Variants in AGBL4 observed in about 807,000 individuals in gnomAD.
AGBL4 encodes the protein cytosolic carboxypeptidase 6.
AGBL4 carries 58 observed loss-of-function variants against 66.4 expected under a neutral mutation model. The observed-to-expected ratio is 0.87, with a 90% CI of 0.71 to 1.09. AGBL4 has a LOEUF of 1.09. Among genes scored for constraint, AGBL4 ranks in the 50% least tolerant of loss-of-function variants. The pLI is 0.00. For missense variants in AGBL4, 579 were observed against 631.0 expected (o/e 0.92, Z 0.88); for synonymous variants, 234 against 222.9 (o/e 1.05, Z -0.44).
chr1:49,207,456 T>C (rs200026320), intron 4 of AGBL4, among the ~76,000 whole-genome samples: 2 of 14,542 alleles, frequency 1.4e-4, no homozygotes, highest in African/African-American at 4.5e-4. Flanking sequence ...CTTTCTTTCT[T>C]TTTCTTTCTT....
At chr1:49,705,805 G>T (rs1382804927) in intron 2 of AGBL4, among the ~76,000 whole-genome samples, 4 of 151,954 alleles carry the variant, frequency 2.6e-5, no homozygotes, top group African/African-American at 9.7e-5. Context: ...ATATAATCAT[G>T]TGGTTTTTGT....
chr1:48,523,437 T>C, the AGBL4 span, among the ~76,000 whole-genome samples: 1 of 152,288 alleles, frequency 6.6e-6, no homozygotes, highest in Non-Finnish European at 1.5e-5. Flanking sequence ...ACAGCAATAA[T>C]GCTTAATTCC....
chr1:49,320,966 C>T (rs146225637), intron 3 of AGBL4, among the ~76,000 whole-genome samples: 8 of 152,204 alleles, frequency 5.3e-5, no homozygotes, highest in Middle Eastern at 3.4e-3. Flanking sequence ...CTAGTGAAAA[C>T]TCACTCACTA....
chr1:48,657,574 A>G (rs923488405), intron 7 of AGBL4, among the ~76,000 whole-genome samples: 1 of 152,234 alleles, frequency 6.6e-6, no homozygotes, highest in African/African-American at 2.4e-5. Flanking sequence ...GCTTTCAGTC[A>G]GGAACCAGGG....
At chr1:48,945,627 C>A (rs375005989) in intron 5 of AGBL4, among the ~76,000 whole-genome samples, 1 of 152,136 alleles carries the variant, frequency 6.6e-6, no homozygotes, top group South Asian at 2.1e-4. Flanking sequence ...GTTCTGGTAC[C>A]TGGTAAATAC....
chr1:48,977,745 A>C (rs1659451350), intron 5 of AGBL4, among the ~76,000 whole-genome samples: 1 of 152,166 alleles, frequency 6.6e-6, no homozygotes, highest in Non-Finnish European at 1.5e-5. Context: ...ACTGATCCCA[A>C]TTACTAACGA....
chr1:49,716,133 G>A (rs1284940453), intron 2 of AGBL4, among the ~76,000 whole-genome samples: 2 of 152,080 alleles, frequency 1.3e-5, no homozygotes, highest in Non-Finnish European at 2.9e-5. Context: ...TTTGTATAAG[G>A]TGTAAGGAAG....
At chr1:48,659,070 G>C (rs1646066063) in intron 7 of AGBL4, among the ~76,000 whole-genome samples, 2 of 152,132 alleles carry the variant, frequency 1.3e-5, no homozygotes, top group African/African-American at 4.8e-5. Context: ...GACATCCAGT[G>C]AATCCCTGGA....
At chr1:49,943,721 G>GAA (rs34779897) in intron 1 of AGBL4, among the ~76,000 whole-genome samples, 3 of 137,672 alleles carry the variant, frequency 2.2e-5, no homozygotes, top group African/African-American at 2.7e-5. Flanking sequence ...AGGTCACAGG[G>GAA]AAAAAAAAAA....
intron 2 of AGBL4, among the ~76,000 whole-genome samples, chr1:49,743,738 T>C (rs1014121489): frequency 2.0e-5 from 3 of 151,694 alleles, no homozygotes; most frequent in Admixed American, 6.6e-5. Flanking sequence ...AAATTATGAG[T>C]TCACGTCCTT....
chr1:49,556,516 TTA>T (rs35314433), intron 3 of AGBL4, among the ~76,000 whole-genome samples: 98,831 of 146,558 alleles, frequency 0.67, 33,957 homozygotes, highest in African/African-American at 0.76. Flanking sequence ...ATAAAAAAAA[TTA>T]TATATATATA....
chr1:49,161,407 A>G lies in AGBL4; in HGVS notation c.377+84363T>C, dbSNP rs561134151. Among the ~76,000 whole-genome samples the G allele has an allele frequency of 2.6e-5, 4 of 152,242 alleles. No homozygotes were observed. The East Asian group carries it at 7.8e-4, about 30-fold the overall frequency. On this transcript the variant is annotated intron_variant, in intron 4 of 13. Transcript: ENST00000371839. ...CCACTGTCCAACCAGTCCCAATGAG[A>G]TGAACTGGTTACCTCAGTTGGATGC...
At chr1:49,799,251 CAT>C (rs1029113597) in intron 2 of AGBL4, among the ~76,000 whole-genome samples, 16 of 152,038 alleles carry the variant, frequency 1.1e-4, no homozygotes, top group South Asian at 2.1e-4. Context: ...GGGAAAATAA[CAT>C]GTGATAATAA....
At chr1:49,602,860 T>G (rs903058063) in intron 3 of AGBL4, among the ~76,000 whole-genome samples, 4 of 145,534 alleles carry the variant, frequency 2.7e-5, no homozygotes, top group African/African-American at 1.0e-4. Context: ...AATAAATAAA[T>G]AAATAAAAAT....
intron 3 of AGBL4, among the ~76,000 whole-genome samples, chr1:49,308,010 A>T (rs899444121): frequency 2.0e-5 from 3 of 151,980 alleles, no homozygotes; most frequent in African/African-American, 7.3e-5. Flanking sequence ...TGCTGTTCTC[A>T]TGATAGTGAG....
intron 8 of AGBL4, among the ~76,000 whole-genome samples, chr1:48,641,876 C>T (rs1645761631): frequency 6.6e-6 from 1 of 152,142 alleles, no homozygotes; most frequent in South Asian, 2.1e-4. Context: ...GACTGTCCCT[C>T]ATGTGCAGTG....
At chr1:48,575,772 C>T (rs1370202766) in intron 11 of AGBL4, among the ~76,000 whole-genome samples, 1 of 152,208 alleles carries the variant, frequency 6.6e-6, no homozygotes, top group Non-Finnish European at 1.5e-5. Context: ...TTCTCCATGT[C>T]CTGTGTTCCC....
intron 11 of AGBL4, among the ~76,000 whole-genome samples, chr1:48,544,550 T>C (rs938636305): frequency 7.2e-5 from 11 of 152,186 alleles, no homozygotes; most frequent in Admixed American, 6.5e-4. Flanking sequence ...TTCCCTTGAA[T>C]TTGGTTGGGC....
chr1:48,545,443 T>C (rs1052114269), intron 11 of AGBL4, among the ~76,000 whole-genome samples: 1 of 152,172 alleles, frequency 6.6e-6, no homozygotes, highest in Non-Finnish European at 1.5e-5. Context: ...AGAGGAGGGA[T>C]TGATTGAACA....
Sources: allele counts gnomAD v4.1 joint callset (sites outside exome capture counted in the v4.1 genomes callset), GRCh38; gene constraint gnomAD v4.1.1; transcripts MANE v1.5; gene names NCBI Gene and HGNC (gene_info 2026-07-23, HGNC 2026-07-21).